Variants in HMG20B observed in about 807,000 individuals in gnomAD.
HMG20B encodes SWI/SNF-related matrix-associated actin-dependent regulator of chromatin subfamily E member 1-related.
Under a neutral mutation model 41.6 loss-of-function variants are expected in HMG20B, and 24 were observed. The ratio of observed to expected loss-of-function variants is 0.58; its 90% CI spans 0.42 to 0.81. HMG20B has a LOEUF of 0.81. HMG20B is among the 30% of genes least tolerant of loss of function. The probability of loss-of-function intolerance (pLI) is 0.00; values close to 1 mark genes in which losing one functional copy is unlikely to be tolerated. For missense variants in HMG20B, 461 were observed against 444.0 expected (o/e 1.04, Z -0.34); for synonymous variants, 251 against 186.6 (o/e 1.34, Z -2.81).
At chr19:3,575,783 A>C in intron 5 of HMG20B, 123 bp downstream of exon 5, 1 of 768,206 alleles carries the variant, frequency 1.3e-6, no homozygotes, top group Non-Finnish European at 2.0e-6. Flanking sequence ...CCCTCTACTA[A>C]AAATACAAAA....
rs2032080900 is a variant in HMG20B, at chr19:3,573,287, TCCAGGTCCGGCCCGGAGCGG to T, written c.-18-1_1del. 1 of 1,521,010 alleles carries T rather than the reference TCCAGGTCCGGCCCGGAGCGG, an allele frequency of 6.6e-7. No individual in the cohort carries two copies. The allele number at this position is 1,521,010 out of a possible 1,614,324, so 94.2% of individuals were successfully genotyped here. ...TACTCACCTCCGCCCGCGTCCGTGT[TCCAGGTCCGGCCCGGAGCGG>T]CCATGTCCCACGGCCCCAAGCAGCC... On this transcript the variant is annotated splice_acceptor_variant and splice_polypyrimidine_tract_variant and 5_prime_UTR_variant and intron_variant, in exon 2 of 10. Transcript: ENST00000333651. LOFTEE classifies it low-confidence loss of function (5UTR_SPLICE).
At chr19:3,573,993 A>G (rs1268539057) in intron 3 of HMG20B, 193 bp downstream of exon 3, 2 of 701,050 alleles carry the variant, frequency 2.9e-6, no homozygotes, top group Non-Finnish European at 2.6e-6. Flanking sequence ...GGCCCCGCCC[A>G]CCGCACAATG....
intron 4 of HMG20B, 25 bp downstream of exon 4, chr19:3,574,611 G>C (rs1471023310): frequency 1.3e-6 from 2 of 1,556,912 alleles, no homozygotes; most frequent in East Asian, 2.4e-5. Flanking sequence ...GCGCCGAGCA[G>C]GGCTGGCGGG....
In HMG20B at chr19:3,578,833, C is replaced by A. The variant is rs201273819; in HGVS notation, c.*312C>A. On this transcript the variant is annotated 3_prime_UTR_variant, in exon 10 of 10. Coordinates refer to ENST00000333651, the MANE Select transcript of HMG20B (RefSeq NM_006339.3). ...GGCCACCCCCAGGACACAGGGCAGA[C>A]GAAACCCACCCCCAGCACACGGCAG... The A allele has an allele frequency of 3.0e-6, 2 of 666,204 alleles. No individual in the cohort carries two copies. The highest frequency in any genetic ancestry group is 3.0e-5 in the East Asian group (1 of 33,414). The allele number at this position is 666,204 out of a possible 1,614,324, so 41.3% of individuals were successfully genotyped here.
At chr19:3,573,834 C>G in intron 3 of HMG20B, 34 bp downstream of exon 3, 1 of 1,537,806 alleles carries the variant, frequency 6.5e-7, no homozygotes, top group Non-Finnish European at 8.9e-7. Flanking sequence ...GGGGAGGCCC[C>G]GGGCTCCCGC....
At chr19:3,574,153 C>CA in intron 3 of HMG20B, 1 of 613,058 alleles carries the variant, frequency 1.6e-6, no homozygotes, top group South Asian at 1.9e-5. Context: ...ACCCTGTACT[C>CA]AAACCTCGGC....
chr19:3,574,300 C>G (rs896019058), intron 3 of HMG20B, 83 bp from the exon 4 acceptor site: 7 of 474,728 alleles, frequency 1.5e-5, no homozygotes, highest in Non-Finnish European at 2.8e-5. Context: ...CCCGCCCATA[C>G]GCGTTAGGCC....
intron 6 of HMG20B, 54 bp downstream of exon 6, chr19:3,576,361 C>A: frequency 6.3e-7 from 1 of 1,575,178 alleles, no homozygotes; most frequent in Non-Finnish European, 8.7e-7. Flanking sequence ...CTGGAGGCTT[C>A]TAGAACCCTG....
At chr19:3,574,070 C>G in intron 3 of HMG20B, 1 of 644,988 alleles carries the variant, frequency 1.6e-6, no homozygotes, top group South Asian at 1.7e-5. Flanking sequence ...CCCCTTGGTC[C>G]TGTGGGCCCG....
chr19:3,576,411 G>C, intron 6 of HMG20B, 104 bp downstream of exon 6: 1 of 1,373,114 alleles, frequency 7.3e-7, no homozygotes. Context: ...GCAAGCAGGG[G>C]CGGTGCCACT....
chr19:3,573,860 C>T, intron 3 of HMG20B, 60 bp downstream of exon 3: 5 of 1,430,366 alleles, frequency 3.5e-6, no homozygotes, highest in Non-Finnish European at 4.8e-6. Context: ...CCTCGAAGCC[C>T]CGCCCCAGGC....
chr19:3,575,620 G>A lies in HMG20B; in HGVS notation c.432G>A (p.Lys144=), dbSNP rs1383710284. 18 of 1,551,844 alleles carry A rather than the reference G, an allele frequency of 1.2e-5. No homozygotes were observed. Among genetic ancestry groups the A allele is most frequent in the Admixed American group, 2.0e-5 (1 of 51,018 alleles). The change falls in exon 5 of 10, where the codon AAG becomes AAA. Residue 144 remains lysine, a synonymous_variant. Transcript: ENST00000333651. ...LRAYQQSEAY[K]MCTEKIQEKK... ...CGTACCAGCAGTCTGAAGCCTATAA[G>A]ATGTGCACGGAGAAGATCCAGGAGA...
chr19:3,577,926 C>T (rs1021628099), intron 8 of HMG20B, 55 bp from the exon 9 acceptor site: 59 of 1,489,414 alleles, frequency 4.0e-5, no homozygotes, highest in Admixed American at 4.1e-5. Flanking sequence ...GCCCCTGGAG[C>T]CCCCGCCCCG....
At chr19:3,578,480 T>A in intron 9 of HMG20B, 29 bp from the exon 10 acceptor site, 1 of 1,511,134 alleles carries the variant, frequency 6.6e-7, no homozygotes. Context: ...GATGAGGGCC[T>A]CATCCCGGGC....
At position 3,578,775 on chromosome 19, in the gene HMG20B, C is replaced by T. The variant is rs13269; in HGVS notation, c.*254C>T. 27,485 of 742,304 alleles carry T rather than the reference C, an allele frequency of 0.037. 907 individuals are homozygous for T. The highest frequency in any genetic ancestry group is 0.11 in the African/African-American group (6,255 of 58,596). The allele number at this position is 742,304 out of a possible 1,614,324, so 46.0% of individuals were successfully genotyped here. On this transcript the variant is annotated 3_prime_UTR_variant, in exon 10 of 10. Coordinates refer to ENST00000333651, the MANE Select transcript of HMG20B (RefSeq NM_006339.3). ...CCTCACAGCCGAGGGTGCCCCTCCTCGGAGGACAGCCACGCGCTACACTGG... is the reference window on the plus strand; with the variant it reads ...CCTCACAGCCGAGGGTGCCCCTCCTTGGAGGACAGCCACGCGCTACACTGG...
intron 3 of HMG20B, 102 bp from the exon 4 acceptor site, chr19:3,574,281 G>GC (rs940138951): frequency 1.9e-3 from 569 of 292,286 alleles, no homozygotes; most frequent in Middle Eastern, 4.7e-3. Flanking sequence ...GCTAGGCCCC[G>GC]CCCCCATCCC....
chr19:3,573,366 T>C lies in HMG20B; in HGVS notation c.38+19T>C, dbSNP rs1033343705. The C allele has an allele frequency of 7.2e-6, 11 of 1,519,564 alleles. No individual in the cohort carries two copies. The highest frequency in any genetic ancestry group is 9.7e-6 in the Non-Finnish European group (11 of 1,133,456). The allele number at this position is 1,519,564 out of a possible 1,614,324, so 94.1% of individuals were successfully genotyped here. A position where few individuals can be genotyped will look rare whatever the true frequency, so the allele number is the denominator to read the frequency against. On this transcript the variant is annotated intron_variant, in intron 2 of 9. Transcript: ENST00000333651. The stretch of plus-strand genomic sequence containing the variant: ...CCGCCGCGTGAGTGCACTGATCCCC[T>C]CCCCACGCCCTCGCTACTTTCCCGG...
rs1414588438 is a variant in HMG20B at position 3,578,054 on chromosome 19, C to T, written c.882C>T (p.Asp294=). ...GGCTTCACGGAGCCATCGAGCGCGACCCCGCCCAGCACGAGAAGCTCATCG... is the reference window on the plus strand; with the variant it reads ...GGCTTCACGGAGCCATCGAGCGCGATCCCGCCCAGCACGAGAAGCTCATCG... ...MARLHGAIER[D]PAQHEKLIVR... The change falls in exon 9 of 10, where the codon GAC becomes GAT. Residue 294 remains aspartate, a synonymous_variant. Coordinates refer to ENST00000333651, the MANE Select transcript of HMG20B (RefSeq NM_006339.3). 2 of 1,611,064 alleles carry T rather than the reference C, an allele frequency of 1.2e-6. No homozygotes were observed. The highest frequency in any genetic ancestry group is 1.7e-5 in the Admixed American group (1 of 59,934).
rs1713343097 is a variant in HMG20B at position 3,577,930 on chromosome 19, C to T, written c.809-51C>T. 4.0e-6 allele frequency: 6 copies of T among 1,507,558 alleles called. No homozygotes were observed. In the Admixed American group the frequency reaches 8.1e-5, roughly 20 times the overall value. 93.4% of individuals were successfully genotyped at this position (1,507,558 alleles called of 1,614,324 possible). ...CCCCTACCGCTGCCCCTGGAGCCCCCGCCCCGCGACTCCCCGGCACCCTCG... is the reference window on the plus strand; with the variant it reads ...CCCCTACCGCTGCCCCTGGAGCCCCTGCCCCGCGACTCCCCGGCACCCTCG... On this transcript the variant is annotated intron_variant, in intron 8 of 9. Transcript: ENST00000333651.
Sources: allele counts gnomAD v4.1 joint callset, GRCh38; gene constraint gnomAD v4.1.1; transcripts MANE v1.5; gene names NCBI Gene and HGNC (gene_info 2026-07-23, HGNC 2026-07-21).